Variants in ORC5 observed in about 807,000 individuals in gnomAD.
ORC5 encodes origin recognition complex subunit 5.
ORC5 carries 39 observed loss-of-function variants against 58.8 expected under a neutral mutation model. That is an observed-to-expected ratio of 0.66 (90% confidence interval 0.51 to 0.87). ORC5 has a LOEUF of 0.87. Ranked by LOEUF, ORC5 falls within the 40% of genes least tolerant of loss-of-function variation. The probability of loss-of-function intolerance (pLI) is 0.00; values close to 1 mark genes in which losing one functional copy is unlikely to be tolerated. For missense variants in ORC5, 493 were observed against 506.3 expected (o/e 0.97, Z 0.25); for synonymous variants, 218 against 177.6 (o/e 1.23, Z -1.81).
At chr7:104,197,221 T>G (rs1799821025) in intron 4 of ORC5, among the ~76,000 whole-genome samples, 1 of 152,226 alleles carries the variant, frequency 6.6e-6, no homozygotes, top group South Asian at 2.1e-4. Context: ...GCTAGTTCAC[T>G]TAAAGTTGCA....
chr7:104,154,106 G>C (rs1044724736), intron 12 of ORC5, among the ~76,000 whole-genome samples: 2 of 151,948 alleles, frequency 1.3e-5, no homozygotes, highest in African/African-American at 4.8e-5. Flanking sequence ...TTCAAATATA[G>C]CCATGTAACT....
chr7:104,144,080 C>T (rs1231778170), intron 12 of ORC5, among the ~76,000 whole-genome samples: 2 of 152,000 alleles, frequency 1.3e-5, no homozygotes, highest in Non-Finnish European at 2.9e-5. Flanking sequence ...GATCGCACCA[C>T]TGCACTCCAG....
Position 104,195,243 on chromosome 7 carries a change from A to G in ORC5, c.453T>C (p.Asn151=). ...FLRLQELADR[N]VTVLFLSEIV... ...TTTCACTGAGAAAGAGAACAGTCAC[A>G]TTTCTGTCAGCCTGTAAAAAGAAAG... Residue 151 remains asparagine, a synonymous_variant, in exon 5 of 14, where the codon AAT becomes AAC. Transcript: ENST00000297431. The G allele has an allele frequency of 6.5e-7, 1 of 1,540,442 alleles. No homozygotes were observed. Among genetic ancestry groups the G allele is most frequent in the Non-Finnish European group, 8.7e-7 (1 of 1,145,598 alleles).
At chr7:104,193,164 T>G (rs1193489390) in intron 5 of ORC5, among the ~76,000 whole-genome samples, 1 of 152,096 alleles carries the variant, frequency 6.6e-6, no homozygotes, top group Non-Finnish European at 1.5e-5. Context: ...ATAAAAGTTA[T>G]TTTCTTTTTT....
At chr7:104,171,499 A>G (rs1799210316) in intron 8 of ORC5, among the ~76,000 whole-genome samples, 1 of 152,052 alleles carries the variant, frequency 6.6e-6, no homozygotes, top group African/African-American at 2.4e-5. Flanking sequence ...TTAGCTTCTG[A>G]TTTTGTCATT....
chr7:104,182,738 C>T (rs1379816153), intron 8 of ORC5, among the ~76,000 whole-genome samples: 9 of 152,114 alleles, frequency 5.9e-5, no homozygotes, highest in African/African-American at 1.2e-4. Context: ...TCCCTTTAAG[C>T]GGAGGTTCAC....
chr7:104,140,258 T>C (rs1798651661), intron 12 of ORC5, among the ~76,000 whole-genome samples: 1 of 152,110 alleles, frequency 6.6e-6, no homozygotes, highest in African/African-American at 2.4e-5. Flanking sequence ...TAGACTCCAT[T>C]TGTTTTTAAT....
intron 9 of ORC5, among the ~76,000 whole-genome samples, 157 bp from the exon 10 acceptor site, chr7:104,167,041 G>C (rs1799119407): frequency 6.6e-6 from 1 of 151,944 alleles, no homozygotes; most frequent in Non-Finnish European, 1.5e-5. Context: ...GGTCGTGGTG[G>C]TGATCAACAC....
At chr7:104,135,288 T>C (rs962765376) in intron 13 of ORC5, among the ~76,000 whole-genome samples, 3 of 152,174 alleles carry the variant, frequency 2.0e-5, no homozygotes, top group Non-Finnish European at 4.4e-5. Flanking sequence ...AGGAAGTAAT[T>C]GCTTTGTGAT....
At position 104,176,227 on chromosome 7, in the gene ORC5, C is replaced by A. The variant is rs560458297; in HGVS notation, c.825-7702G>T. Among the ~76,000 whole-genome samples, 11 of 152,260 alleles carry A rather than the reference C, an allele frequency of 7.2e-5. No individual in the cohort carries two copies. The South Asian group carries it at 2.3e-3, about 32-fold the overall frequency. The stretch of plus-strand genomic sequence containing the variant: ...TTGTCCAGAAATCCCTTAGGGCATT[C>A]TATTCAGATTGGCTTCAATAATAAT... On this transcript the variant is annotated intron_variant, in intron 8 of 13. Coordinates refer to ENST00000297431, the MANE Select transcript of ORC5 (RefSeq NM_002553.4).
At chr7:104,200,052 T>C (rs73415730) in intron 3 of ORC5, among the ~76,000 whole-genome samples, 10,927 of 152,180 alleles carry the variant, frequency 0.072, 1,277 homozygotes, top group African/African-American at 0.25. Context: ...TGCCTTCTGC[T>C]GATTATAAGT....
chr7:104,203,196 T>A (rs550270472), intron 2 of ORC5, among the ~76,000 whole-genome samples: 1 of 152,218 alleles, frequency 6.6e-6, no homozygotes, highest in Non-Finnish European at 1.5e-5. Flanking sequence ...CAGTTCAGTA[T>A]GCTATCCTAA....
intron 13 of ORC5, among the ~76,000 whole-genome samples, chr7:104,132,461 G>T (rs1038202482): frequency 2.0e-5 from 3 of 152,204 alleles, no homozygotes; most frequent in Middle Eastern, 6.8e-3. Flanking sequence ...TCTGGAATGA[G>T]GCCAGCCTTC....
intron 8 of ORC5, among the ~76,000 whole-genome samples, chr7:104,175,526 T>C (rs1318616267): frequency 6.6e-6 from 1 of 152,228 alleles, no homozygotes; most frequent in Non-Finnish European, 1.5e-5. Flanking sequence ...GAAATGTAAA[T>C]TTAGGTTTGC....
chr7:104,168,824 G>A (rs555481820), intron 8 of ORC5, among the ~76,000 whole-genome samples: 43 of 152,174 alleles, frequency 2.8e-4, no homozygotes, highest in Non-Finnish European at 5.3e-4. Flanking sequence ...GCTCATGCCT[G>A]TAATCCCAGC....
chr7:104,178,885 G>A (rs898453670), intron 8 of ORC5, among the ~76,000 whole-genome samples: 1 of 151,782 alleles, frequency 6.6e-6, no homozygotes, highest in Non-Finnish European at 1.5e-5. Context: ...AACATAAGAT[G>A]TATTTTTAAT....
intron 10 of ORC5, among the ~76,000 whole-genome samples, chr7:104,165,929 G>C (rs1028631867): frequency 1.3e-5 from 2 of 152,190 alleles, no homozygotes; most frequent in African/African-American, 4.8e-5. Flanking sequence ...AGCCAGGCGT[G>C]GGGGCACACA....
chr7:104,200,363 C>A (rs1799909293), intron 3 of ORC5, among the ~76,000 whole-genome samples: 1 of 152,198 alleles, frequency 6.6e-6, no homozygotes, highest in Admixed American at 6.5e-5. Flanking sequence ...CTATTTGGTA[C>A]TCTCTGGCCT....
At chr7:104,143,312 AT>A (rs1798704939) in intron 12 of ORC5, among the ~76,000 whole-genome samples, 1 of 152,130 alleles carries the variant, frequency 6.6e-6, no homozygotes, top group African/African-American at 2.4e-5. Flanking sequence ...TTTTTCCACA[AT>A]TTTTTCATAG....
Sources: allele counts gnomAD v4.1 joint callset (sites outside exome capture counted in the v4.1 genomes callset), GRCh38; gene constraint gnomAD v4.1.1; transcripts MANE v1.5; gene names NCBI Gene and HGNC (gene_info 2026-07-23, HGNC 2026-07-21).